PLCB4: variants seen among roughly 807,000 people sequenced by gnomAD.
PLCB4 encodes the protein 1-phosphatidylinositol 4,5-bisphosphate phosphodiesterase beta-4.
PLCB4 carries 77 observed loss-of-function variants against 178.8 expected under a neutral mutation model. The ratio of observed to expected loss-of-function variants is 0.43; its 90% CI spans 0.36 to 0.52. PLCB4 has a LOEUF of 0.52. PLCB4 is among the 20% of genes least tolerant of loss of function. The pLI, the probability that PLCB4 is intolerant of heterozygous loss-of-function variation, is 0.00. For synonymous variants in PLCB4, 496 were observed against 490.8 expected, an observed-to-expected ratio of 1.01 and a Z score of -0.14; for missense variants, 1,024 against 1,453.4, an observed-to-expected ratio of 0.70 and a Z score of 4.80.
chr20:9,413,626 T>C (rs1270737718), intron 25 of PLCB4, among the ~76,000 whole-genome samples: 1 of 141,912 alleles, frequency 7.0e-6, no homozygotes, highest in African/African-American at 2.7e-5. Context: ...GCCACTGCAC[T>C]CCAGCCTGGG....
intron 3 of PLCB4, among the ~76,000 whole-genome samples, chr20:9,260,637 T>C (rs969857282): frequency 1.3e-5 from 2 of 152,160 alleles, no homozygotes; most frequent in Non-Finnish European, 2.9e-5. Flanking sequence ...TATATGTGTG[T>C]ATATATGAGC....
intron 3 of PLCB4, among the ~76,000 whole-genome samples, chr20:9,286,642 C>T (rs968852059): frequency 2.0e-5 from 3 of 151,972 alleles, no homozygotes; most frequent in South Asian, 2.1e-4. Context: ...CATCTAGGTT[C>T]AAATATAACC....
chr20:9,305,916 A>G (rs2094760049), intron 3 of PLCB4, among the ~76,000 whole-genome samples: 1 of 152,034 alleles, frequency 6.6e-6, no homozygotes, highest in Non-Finnish European at 1.5e-5. Flanking sequence ...AGATTTCATC[A>G]TTTCTGCATA....
chr20:9,203,777 GT>G (rs553691545), intron 2 of PLCB4, among the ~76,000 whole-genome samples: 2,897 of 101,562 alleles, frequency 0.029, 30 homozygotes, highest in East Asian at 0.05. Context: ...TGGGAATAGT[GT>G]TTTTTTTTTT....
chr20:9,076,396 G>A (rs1224724056), intron 1 of PLCB4, among the ~76,000 whole-genome samples: 6 of 152,142 alleles, frequency 3.9e-5, no homozygotes, highest in African/African-American at 1.4e-4. Context: ...GAACCTCGGA[G>A]GCAGAGGCTG....
At chr20:9,257,279 T>C (rs1036076602) in intron 3 of PLCB4, among the ~76,000 whole-genome samples, 1 of 152,198 alleles carries the variant, frequency 6.6e-6, no homozygotes, top group Non-Finnish European at 1.5e-5. Context: ...TTGTGTCTTT[T>C]TGCTTTAGTA....
At chr20:9,257,560 A>G (rs1168309887) in intron 3 of PLCB4, among the ~76,000 whole-genome samples, 1 of 152,172 alleles carries the variant, frequency 6.6e-6, no homozygotes, top group Non-Finnish European at 1.5e-5. Context: ...CAAATGTTTC[A>G]TGGTTCTTTG....
At chr20:9,146,993 GTCC>G (rs1396534294) in intron 2 of PLCB4, among the ~76,000 whole-genome samples, 1 of 152,078 alleles carries the variant, frequency 6.6e-6, no homozygotes, top group Non-Finnish European at 1.5e-5. Context: ...TGATATCAAA[GTCC>G]TCCTCTTAAG....
At chr20:9,112,256 C>CTTT (rs924027156) in intron 2 of PLCB4, among the ~76,000 whole-genome samples, 59 of 137,162 alleles carry the variant, frequency 4.3e-4, no homozygotes, top group African/African-American at 1.5e-3. Flanking sequence ...ATACCCTACT[C>CTTT]TTTTTTTTTT....
chr20:9,379,931 A>G lies in PLCB4; in HGVS notation c.745-123A>G, dbSNP rs2148345681. The G allele has an allele frequency of 7.1e-6, 4 of 563,600 alleles. 1 individual carries two copies. The East Asian group carries it at 9.5e-5, about 13-fold the overall frequency. 34.9% of individuals were successfully genotyped at this position (563,600 alleles called of 1,614,324 possible). A position where few individuals can be genotyped will look rare whatever the true frequency, so the allele number is the denominator to read the frequency against. On this transcript the variant is annotated intron_variant, in intron 12 of 39. Transcript: ENST00000378473. ...AAAGGCAGGAAGGCAGTGAGGTCCTATCTTTGTAATTATAAACATGACAGT... is the reference window on the plus strand; with the variant it reads ...AAAGGCAGGAAGGCAGTGAGGTCCTGTCTTTGTAATTATAAACATGACAGT...
chr20:9,427,474 C>G (rs2041101531), intron 28 of PLCB4, among the ~76,000 whole-genome samples: 1 of 151,972 alleles, frequency 6.6e-6, no homozygotes, highest in Non-Finnish European at 1.5e-5. Context: ...AGAAAAACAA[C>G]CCTGTCTTTT....
At chr20:9,105,933 G>C (rs1418543063) in intron 2 of PLCB4, among the ~76,000 whole-genome samples, 3 of 151,874 alleles carry the variant, frequency 2.0e-5, no homozygotes, top group Non-Finnish European at 4.4e-5. Context: ...TGAAGGAAAG[G>C]ATTTAAAAAT....
At chr20:9,306,077 C>G (rs530926097) in intron 3 of PLCB4, among the ~76,000 whole-genome samples, 2 of 152,208 alleles carry the variant, frequency 1.3e-5, no homozygotes, top group South Asian at 4.2e-4. Flanking sequence ...TTATTTCCAT[C>G]CCTCCATTGT....
chr20:9,192,209 G>T (rs918245937), intron 2 of PLCB4, among the ~76,000 whole-genome samples: 1 of 152,158 alleles, frequency 6.6e-6, no homozygotes, highest in Non-Finnish European at 1.5e-5. Context: ...TTCCATGGGG[G>T]TTTGGGAAAT....
At chr20:9,408,802 C>A in intron 23 of PLCB4, 85 bp downstream of exon 23, 1 of 760,754 alleles carries the variant, frequency 1.3e-6, no homozygotes, top group East Asian at 2.6e-5. Context: ...GCTAATATCT[C>A]ATTCTGGTGG....
intron 33 of PLCB4, among the ~76,000 whole-genome samples, chr20:9,456,506 T>G (rs1158241024): frequency 2.0e-5 from 3 of 152,218 alleles, no homozygotes; most frequent in African/African-American, 7.2e-5. Context: ...AATAAAATCT[T>G]GATTTTCAAA....
At chr20:9,070,535 A>T (rs776543210) in intron 1 of PLCB4, among the ~76,000 whole-genome samples, 2 of 152,186 alleles carry the variant, frequency 1.3e-5, no homozygotes, top group Non-Finnish European at 2.9e-5. Context: ...TGTTTTTCAT[A>T]GGACAGTCTT....
chr20:9,079,004 T>C (rs1432835829), intron 1 of PLCB4, among the ~76,000 whole-genome samples: 1 of 152,248 alleles, frequency 6.6e-6, no homozygotes, highest in Non-Finnish European at 1.5e-5. Context: ...GTATGCCTTC[T>C]GCATGTTTAT....
intron 2 of PLCB4, among the ~76,000 whole-genome samples, chr20:9,188,099 C>G (rs886552503): frequency 6.6e-6 from 1 of 152,152 alleles, no homozygotes; most frequent in Non-Finnish European, 1.5e-5. Context: ...AGACACAAGT[C>G]CCTGCTTTCG....
Sources: allele counts gnomAD v4.1 joint callset (sites outside exome capture counted in the v4.1 genomes callset), GRCh38; gene constraint gnomAD v4.1.1; transcripts MANE v1.5; gene names NCBI Gene and HGNC (gene_info 2026-07-23, HGNC 2026-07-21).